NBAS: variants seen among roughly 807,000 people sequenced by gnomAD.
NBAS encodes NAG/BC035112 fusion.
In NBAS, 219 loss-of-function variants were observed where a neutral mutation model predicts 302.5. The ratio of observed to expected loss-of-function variants is 0.72; its 90% CI spans 0.65 to 0.81. NBAS has a LOEUF of 0.81. Ranked by LOEUF, NBAS falls within the 30% of genes least tolerant of loss-of-function variation. The probability of loss-of-function intolerance (pLI) is 0.00; values close to 1 mark genes in which losing one functional copy is unlikely to be tolerated. For missense variants in NBAS, 2,932 were observed against 2,841.6 expected, an observed-to-expected ratio of 1.03 and a Z score of -0.72; for synonymous variants, 1,118 against 1,021.6, an observed-to-expected ratio of 1.09 and a Z score of -1.80.
At chr2:15,132,283 G>A in the NBAS span, among the ~76,000 whole-genome samples, 6 of 152,176 alleles carry the variant, frequency 3.9e-5, no homozygotes, top group Non-Finnish European at 7.3e-5. Flanking sequence ...AAGACATGGA[G>A]GACATTTATG....
chr2:14,876,820 G>A, the NBAS span, among the ~76,000 whole-genome samples: 6 of 152,196 alleles, frequency 3.9e-5, no homozygotes, highest in Non-Finnish European at 5.9e-5. Context: ...AGGGCCTCCC[G>A]GCCGCTGACT....
At chr2:14,878,710 A>C in the NBAS span, among the ~76,000 whole-genome samples, 2 of 152,300 alleles carry the variant, frequency 1.3e-5, no homozygotes, top group East Asian at 3.9e-4. Context: ...CAGTTCCCAC[A>C]TACTCCCTGC....
At chr2:15,331,629 T>C (rs1375224560) in intron 35 of NBAS, among the ~76,000 whole-genome samples, 1 of 152,190 alleles carries the variant, frequency 6.6e-6, no homozygotes, top group Middle Eastern at 3.2e-3. Context: ...ATCATGTTAT[T>C]CATTAAGACA....
chr2:15,374,176 C>T (rs563934939), intron 31 of NBAS, among the ~76,000 whole-genome samples: 135 of 152,024 alleles, frequency 8.9e-4, no homozygotes, highest in Admixed American at 1.6e-3. Context: ...AATAGATGGA[C>T]GTAATATACT....
chr2:14,841,646 C>G, the NBAS span, among the ~76,000 whole-genome samples: 190 of 151,892 alleles, frequency 1.3e-3, 1 homozygote, highest in South Asian at 0.018. Flanking sequence ...TTATAAATCT[C>G]TATACACTCA....
chr2:15,181,314 G>A (rs1435893832), intron 50 of NBAS, among the ~76,000 whole-genome samples: 1 of 152,208 alleles, frequency 6.6e-6, no homozygotes. Context: ...CAAGCATAAT[G>A]GATAGATGGC....
intron 21 of NBAS, among the ~76,000 whole-genome samples, chr2:15,435,611 G>A (rs7586201): frequency 0.61 from 91,958 of 151,992 alleles, 28,807 homozygotes; most frequent in Non-Finnish European, 0.68. Flanking sequence ...CAGGCAGTCC[G>A]GTTCCAGAGT....
intron 21 of NBAS, among the ~76,000 whole-genome samples, chr2:15,440,377 C>G (rs61022330): frequency 0.015 from 2,290 of 152,312 alleles, 58 homozygotes; most frequent in African/African-American, 0.053. Flanking sequence ...GCAGACACCG[C>G]TGCTGATACC....
intron 48 of NBAS, among the ~76,000 whole-genome samples, chr2:15,203,692 G>T (rs900381486): frequency 1.3e-5 from 2 of 152,036 alleles, no homozygotes; most frequent in Admixed American, 1.3e-4. Context: ...TGGAAAAAAA[G>T]CACTAAATCC....
intron 28 of NBAS, among the ~76,000 whole-genome samples, chr2:15,390,570 C>A (rs1194318987): frequency 2.0e-5 from 3 of 151,502 alleles, no homozygotes; most frequent in Non-Finnish European, 4.4e-5. Context: ...TATATGGGAT[C>A]ACGCTAAAAG....
the NBAS span, among the ~76,000 whole-genome samples, chr2:15,092,086 C>G: frequency 6.6e-6 from 1 of 152,150 alleles, no homozygotes; most frequent in Non-Finnish European, 1.5e-5. Context: ...GAAACTGAGG[C>G]CCTGGTCACA....
At chr2:15,354,124 C>T (rs761280134) in intron 33 of NBAS, among the ~76,000 whole-genome samples, 1 of 152,114 alleles carries the variant, frequency 6.6e-6, no homozygotes, top group South Asian at 2.1e-4. Context: ...CCTACAAGGA[C>T]AATAATAACA....
intron 51 of NBAS, among the ~76,000 whole-genome samples, chr2:15,171,842 T>C (rs1313686755): frequency 6.6e-6 from 1 of 152,182 alleles, no homozygotes; most frequent in Non-Finnish European, 1.5e-5. Context: ...GGGTCAGCCA[T>C]GTGAGGACAG....
intron 26 of NBAS, among the ~76,000 whole-genome samples, chr2:15,399,518 C>T (rs1343104598): frequency 1.3e-5 from 2 of 152,014 alleles, no homozygotes; most frequent in African/African-American, 2.4e-5. Flanking sequence ...GACACACTTG[C>T]TACACTCTGC....
Position 15,556,818 on chromosome 2 carries a change from A to G in NBAS, c.174T>C (p.Asp58=), listed in dbSNP as rs1664667959. 3 of 1,610,534 alleles carry G rather than the reference A, an allele frequency of 1.9e-6. No individual in the cohort carries two copies. The highest frequency in any genetic ancestry group is 1.7e-6 in the Non-Finnish European group (2 of 1,176,982). ...ASFIITKAIR[D]RLLFLRQYIW... ...TGTATTGGCGTAAAAATAATAAACG[A>G]TCTGTAATCAAAAGAAATGGCAAAG... Residue 58 remains aspartate (D), a splice_region_variant and synonymous_variant, in exon 3 of 52, where the codon GAT becomes GAC. Transcript: ENST00000281513.
At chr2:15,479,760 A>T (rs1185919798) in intron 12 of NBAS, among the ~76,000 whole-genome samples, 1 of 152,204 alleles carries the variant, frequency 6.6e-6, no homozygotes, top group African/African-American at 2.4e-5. Flanking sequence ...TTCCCTGCAC[A>T]CTGCTTAAAT....
intron 25 of NBAS, among the ~76,000 whole-genome samples, chr2:15,402,954 A>G (rs1246350635): frequency 6.6e-6 from 1 of 152,200 alleles, no homozygotes; most frequent in Non-Finnish European, 1.5e-5. Context: ...TTTCTCATCT[A>G]TAAAGCATGA....
chr2:15,070,449 G>A, the NBAS span, among the ~76,000 whole-genome samples: 2 of 152,110 alleles, frequency 1.3e-5, no homozygotes, highest in Admixed American at 6.5e-5. Context: ...AGTAACTGGG[G>A]TGTTGTTGGC....
At chr2:14,861,519 T>C in the NBAS span, among the ~76,000 whole-genome samples, 1 of 152,222 alleles carries the variant, frequency 6.6e-6, no homozygotes, top group Non-Finnish European at 1.5e-5. Flanking sequence ...TCTTCCCTTT[T>C]AGTTCTTGAA....
Sources: gnomAD v4.1 joint callset for allele counts (sites outside exome capture counted in the v4.1 genomes callset) on GRCh38, gnomAD v4.1.1 for gene constraint, MANE v1.5 for transcripts, NCBI Gene and HGNC (gene_info 2026-07-23, HGNC 2026-07-21) for gene names.